Variants in TENM2 observed in about 807,000 individuals in gnomAD.
The protein encoded by TENM2 is teneurin-2.
A neutral mutation model predicts 245.2 loss-of-function variants in TENM2; 52 were observed. The ratio of observed to expected loss-of-function variants is 0.21; its 90% CI spans 0.17 to 0.27. The LOEUF is 0.27. Among genes scored for constraint, TENM2 ranks in the 10% least tolerant of loss-of-function variants. The pLI, the probability that TENM2 is intolerant of heterozygous loss-of-function variation, is 1.00. For synonymous variants in TENM2, 1,363 were observed against 1,438.9 expected (o/e 0.95, Z 1.19); for missense variants, 3,046 against 3,666.8 (o/e 0.83, Z 4.37).
intron 1 of TENM2, among the ~76,000 whole-genome samples, chr5:167,358,853 C>A (rs887536390): frequency 7.3e-6 from 1 of 136,220 alleles, no homozygotes; most frequent in African/African-American, 2.7e-5. Context: ...ACACACACAC[C>A]CTGCTGTTTT....
chr5:167,327,116 C>T (rs1055482906), intron 1 of TENM2, among the ~76,000 whole-genome samples: 1 of 152,090 alleles, frequency 6.6e-6, no homozygotes. Flanking sequence ...TGTTGGTGTG[C>T]TGCACCCATT....
At chr5:167,913,205 G>T (rs1300595897) in intron 3 of TENM2, among the ~76,000 whole-genome samples, 3 of 152,180 alleles carry the variant, frequency 2.0e-5, no homozygotes, top group Non-Finnish European at 4.4e-5. Context: ...TCTTCTCCTA[G>T]TACAACCTGG....
intron 2 of TENM2, among the ~76,000 whole-genome samples, chr5:167,529,968 A>C (rs1562030227): frequency 6.6e-6 from 1 of 152,192 alleles, no homozygotes; most frequent in Admixed American, 6.6e-5. Context: ...GGTTATATAC[A>C]TTATCTATCA....
At chr5:168,113,471 A>G (rs1265202076) in intron 9 of TENM2, among the ~76,000 whole-genome samples, 2 of 152,152 alleles carry the variant, frequency 1.3e-5, no homozygotes, top group Non-Finnish European at 2.9e-5. Flanking sequence ...CTCTGCTTTT[A>G]TGACTGAGCC....
chr5:167,846,797 C>T lies in TENM2; in HGVS notation c.503-29189C>T, dbSNP rs538187464. On this transcript the variant is annotated intron_variant, in intron 2 of 28. Coordinates refer to ENST00000518659, the Ensembl canonical transcript of TENM2. ...GCACCTTTTGGTTCACATAAATAAA[C>T]TTGTCTTCCCCTCTTCTACCTCCTC... Among the ~76,000 whole-genome samples the T allele has an allele frequency of 7.2e-5, 11 of 152,230 alleles. No individual in the cohort carries two copies. The East Asian group carries it at 1.9e-3, about 27-fold the overall frequency.
At chr5:167,965,640 A>G (rs1192608721) in intron 4 of TENM2, 2 of 152,318 alleles carry the variant, frequency 1.3e-5, no homozygotes, top group Admixed American at 1.3e-4. Flanking sequence ...ACACAATCAT[A>G]TAGGCCTGTG....
chr5:167,203,698 A>G, the TENM2 span, among the ~76,000 whole-genome samples: 2,530 of 152,282 alleles, frequency 0.017, 57 homozygotes, highest in African/African-American at 0.057. Context: ...AGCTATGATG[A>G]TAGGACTGTA....
chr5:168,185,917 T>C (rs1760351470), intron 13 of TENM2, among the ~76,000 whole-genome samples: 1 of 6,864 alleles, frequency 1.5e-4, no homozygotes, highest in East Asian at 3.0e-3. Flanking sequence ...CAGACTGACA[T>C]ATATATATAT....
At chr5:167,280,708 C>A (rs7700378), upstream of TENM2, among the ~76,000 whole-genome samples, 13,390 of 151,842 alleles carry the variant, frequency 0.088, 775 homozygotes, top group East Asian at 0.18. Context: ...TCTGGGTTGC[C>A]AGCTCCATGT....
Position 168,244,692 on chromosome 5 carries a change from G to A in TENM2, c.5793G>A (p.Val1931=). The A allele has an allele frequency of 6.7e-7, 1 of 1,489,940 alleles. No homozygotes were observed. Among genetic ancestry groups the A allele is most frequent in the East Asian group, 2.4e-5 (1 of 41,518 alleles). The allele number at this position is 1,489,940 out of a possible 1,614,324, so 92.3% of individuals were successfully genotyped here. Residue 1931 remains valine (V), a synonymous_variant, in exon 26 of 29, where the codon GTG becomes GTA. Transcript: ENST00000518659. The surrounding 1 kb of genome is among the most constrained non-coding windows in gnomAD (Gnocchi z 4.9). Reference sequence around the variant, plus strand: ...CCCGCATGTTCGCTGACGGGAAAGTGTGGAGCTACTCCTACCTTGACAAGG... The same window carrying A: ...CCCGCATGTTCGCTGACGGGAAAGTATGGAGCTACTCCTACCTTGACAAGG...
chr5:167,577,578 A>T (rs1357988768), intron 2 of TENM2, among the ~76,000 whole-genome samples: 1 of 151,978 alleles, frequency 6.6e-6, no homozygotes, highest in East Asian at 1.9e-4. Flanking sequence ...TTTTTATTTG[A>T]TTCAAATACA....
intron 1 of TENM2, among the ~76,000 whole-genome samples, chr5:167,331,952 A>G (rs927302099): frequency 4.6e-5 from 7 of 152,178 alleles, no homozygotes; most frequent in Non-Finnish European, 8.8e-5. Context: ...GATAGCATTT[A>G]GTGTATTGTT....
chr5:167,032,999 G>A, the TENM2 span, among the ~76,000 whole-genome samples: 1 of 152,016 alleles, frequency 6.6e-6, no homozygotes, highest in Non-Finnish European at 1.5e-5. Flanking sequence ...GTAATTATTG[G>A]ACGCAATACC....
At chr5:168,097,652 A>G (rs995569326) in intron 8 of TENM2, among the ~76,000 whole-genome samples, 3 of 151,828 alleles carry the variant, frequency 2.0e-5, no homozygotes, top group African/African-American at 7.3e-5. Context: ...GGTTTTTACC[A>G]TGTTGGCCAG....
chr5:167,222,101 G>T, the TENM2 span, among the ~76,000 whole-genome samples: 1 of 152,144 alleles, frequency 6.6e-6, no homozygotes, highest in South Asian at 2.1e-4. Context: ...AATTGGCCCA[G>T]CTGAAAGGGA....
At chr5:167,868,605 T>C (rs995262917) in intron 2 of TENM2, among the ~76,000 whole-genome samples, 4 of 151,598 alleles carry the variant, frequency 2.6e-5, no homozygotes, top group Non-Finnish European at 4.4e-5. Context: ...GGCGTGATGG[T>C]GCGTGCCTGT....
At chr5:167,563,377 C>T (rs557890346) in intron 2 of TENM2, among the ~76,000 whole-genome samples, 204 of 152,248 alleles carry the variant, frequency 1.3e-3, no homozygotes, top group South Asian at 3.3e-3. Context: ...TTCTCACCAC[C>T]TGTGAAAAGA....
At chr5:167,744,926 G>A (rs1761454814) in intron 2 of TENM2, among the ~76,000 whole-genome samples, 1 of 152,130 alleles carries the variant, frequency 6.6e-6, no homozygotes, top group Non-Finnish European at 1.5e-5. Context: ...CCTTTTATGG[G>A]AACTTGTATG....
At chr5:167,361,457 G>A (rs1321032887) in intron 1 of TENM2, among the ~76,000 whole-genome samples, 3 of 152,082 alleles carry the variant, frequency 2.0e-5, no homozygotes, top group Non-Finnish European at 4.4e-5. Flanking sequence ...TTCTTATTGT[G>A]TTTTTGTAAC....
Sources: allele counts gnomAD v4.1 joint callset (sites outside exome capture counted in the v4.1 genomes callset), GRCh38; gene constraint gnomAD v4.1.1; non-coding constraint Gnocchi (gnomAD v3.1); transcripts MANE v1.5; gene names NCBI Gene and HGNC (gene_info 2026-07-23, HGNC 2026-07-21).